The following ZNF221 variants were observed in gnomAD, a reference collection of about 807,000 sequenced individuals.
ZNF221 encodes the protein zinc finger protein 221.
A neutral mutation model predicts 12.6 loss-of-function variants in ZNF221; 10 were observed. That is an observed-to-expected ratio of 0.79 (90% CI 0.49 to 1.34). The LOEUF (loss-of-function observed/expected upper bound fraction) is 1.34, where lower values mean the gene tolerates loss of function less well. Ranked by LOEUF, ZNF221 falls within the 40% of genes most tolerant of loss-of-function variation. The pLI is 0.00. For missense variants in ZNF221, 661 were observed against 721.4 expected (o/e 0.92, Z 0.96); for synonymous variants, 232 against 244.0 (o/e 0.95, Z 0.46).
intron 1 of ZNF221, among the ~76,000 whole-genome samples, chr19:43,959,152 C>T (rs1332137276): frequency 1.3e-5 from 2 of 152,210 alleles, no homozygotes; most frequent in Non-Finnish European, 2.9e-5. Context: ...GATGCTGCTA[C>T]TTAGTTTCTC....
At chr19:43,971,284 T>C (rs1599824847), downstream of ZNF221, among the ~76,000 whole-genome samples, 1 of 152,046 alleles carries the variant, frequency 6.6e-6, no homozygotes, top group African/African-American at 2.4e-5. Flanking sequence ...AAAAAACCAT[T>C]ACCAGCCACT....
intron 1 of ZNF221, among the ~76,000 whole-genome samples, chr19:43,958,106 T>C (rs1409311724): frequency 6.6e-6 from 1 of 152,252 alleles, no homozygotes; most frequent in Non-Finnish European, 1.5e-5. Flanking sequence ...TCAGGCCATG[T>C]ATAAACAATT....
At chr19:43,964,385 G>T (rs545318875) in intron 2 of ZNF221, among the ~76,000 whole-genome samples, 1 of 152,180 alleles carries the variant, frequency 6.6e-6, no homozygotes, top group African/African-American at 2.4e-5. Flanking sequence ...AGGCATGATG[G>T]TTCCATATCA....
chr19:43,963,306 T>G (rs1236295305), intron 2 of ZNF221, among the ~76,000 whole-genome samples: 1 of 152,212 alleles, frequency 6.6e-6, no homozygotes, highest in Non-Finnish European at 1.5e-5. Context: ...GTGACAGCTT[T>G]CCTATATATA....
Position 43,967,269 on chromosome 19 carries a change from A to C in ZNF221, c.1767A>C (p.Pro589=), listed in dbSNP as rs1476228003. 3.7e-6 allele frequency: 6 copies of C among 1,613,620 alleles called. No individual in the cohort carries two copies. The highest frequency in any genetic ancestry group is 3.3e-5 in the Admixed American group (2 of 59,970). The change falls in exon 5 of 5, where the codon CCA becomes CCC. Residue 589 remains proline (P), a synonymous_variant. Transcript: ENST00000587682. ...AGAGACTCCACAGTGGAGAAAAGCC[A>C]TTGAAATCTGGAGTGTGGGAAGAGA... The part of the protein sequence containing the change: ...KHQRLHSGEK[P]LKSGVWEEIY...
intron 2 of ZNF221, among the ~76,000 whole-genome samples, chr19:43,963,407 A>C (rs1054022845): frequency 6.6e-6 from 1 of 152,248 alleles, no homozygotes; most frequent in East Asian, 1.9e-4. Flanking sequence ...AGATTATTTC[A>C]ACAGGGCACA....
At chr19:43,953,199 C>T (rs1272198201) in intron 1 of ZNF221, among the ~76,000 whole-genome samples, 1 of 151,870 alleles carries the variant, frequency 6.6e-6, no homozygotes, top group Non-Finnish European at 1.5e-5. Context: ...GATCTGCCCA[C>T]CTCAGCCTCC....
the ZNF221 span, among the ~76,000 whole-genome samples, chr19:43,973,624 C>T: frequency 0.78 from 117,808 of 151,962 alleles, 46,729 homozygotes; most frequent in Middle Eastern, 0.89. Flanking sequence ...AGCAGAGAGC[C>T]GAATCATGAA....
chr19:43,962,150 T>C (rs393403), intron 1 of ZNF221, among the ~76,000 whole-genome samples: 148,099 of 152,210 alleles, frequency 0.97, 72,178 homozygotes, highest in East Asian at 1. Context: ...GTAGATTAAC[T>C]GTTATTATTT....
At chr19:43,974,697 C>T in the ZNF221 span, among the ~76,000 whole-genome samples, 2 of 146,384 alleles carry the variant, frequency 1.4e-5, no homozygotes, top group Non-Finnish European at 3.0e-5. Context: ...TACTGTCTCA[C>T]ATCAGTCACA....
At chr19:43,958,333 A>C (rs1974790593) in intron 1 of ZNF221, among the ~76,000 whole-genome samples, 1 of 152,208 alleles carries the variant, frequency 6.6e-6, no homozygotes, top group Non-Finnish European at 1.5e-5. Context: ...CTGGGTAAGA[A>C]GCATATTCAG....
At position 43,966,722 on chromosome 19, in the gene ZNF221, C is replaced by T. The variant is rs1420805895; in HGVS notation, c.1220C>T (p.Ser407Leu). The change falls in exon 5 of 5, where the codon TCA (serine) becomes TTA (leucine). Residue 407 changes from serine (S) to leucine (L), a missense_variant. Ser to Leu is a moderately radical substitution (Grantham distance 145). Transcript: ENST00000587682. ...KECGKTFRWS[S>L]CLLNHQQVHS... is the part of the protein sequence containing the mutation. ...TGTGGGAAGACCTTCAGATGGTCCT[C>T]ATGTCTTTTGAACCATCAGCAAGTC... The T allele has an allele frequency of 6.2e-7, 1 of 1,614,118 alleles. No homozygotes were observed. Among genetic ancestry groups the T allele is most frequent in the Non-Finnish European group, 8.5e-7 (1 of 1,180,054 alleles).
At chr19:43,957,113 A>G (rs544308193) in intron 1 of ZNF221, among the ~76,000 whole-genome samples, 7 of 152,348 alleles carry the variant, frequency 4.6e-5, no homozygotes, top group Admixed American at 2.6e-4. Flanking sequence ...AGTAGGTTAC[A>G]GTCTGTTTAT....
chr19:43,969,416 T>C (rs1975050133), downstream of ZNF221, among the ~76,000 whole-genome samples: 1 of 145,026 alleles, frequency 6.9e-6, no homozygotes. Flanking sequence ...TGGCATGCTC[T>C]TGGTTCATGG....
chr19:43,958,711 G>A (rs767056148), intron 1 of ZNF221, among the ~76,000 whole-genome samples: 1 of 152,234 alleles, frequency 6.6e-6, no homozygotes, highest in Non-Finnish European at 1.5e-5. Context: ...CAGGATGTCA[G>A]CATTTTCTAT....
chr19:43,965,424 T>G, intron 4 of ZNF221, 99 bp downstream of exon 4: 1 of 1,099,170 alleles, frequency 9.1e-7, no homozygotes, highest in Non-Finnish European at 1.3e-6. Flanking sequence ...ATTGCCAAAC[T>G]TCTTTCATAA....
chr19:43,980,696 G>C, the ZNF221 span, among the ~76,000 whole-genome samples: 1 of 152,226 alleles, frequency 6.6e-6, no homozygotes, highest in South Asian at 2.1e-4. Context: ...ATCCCTTCTG[G>C]GTGTAGGGCA....
At chr19:43,969,338 T>G (rs1241023781), downstream of ZNF221, among the ~76,000 whole-genome samples, 5 of 3,466 alleles carry the variant, frequency 1.4e-3, no homozygotes, top group African/African-American at 1.7e-3. Context: ...CTGCTGCTTT[T>G]TTTTTTTTTT....
chr19:43,964,779 G>A (rs61254478), intron 2 of ZNF221, among the ~76,000 whole-genome samples, 171 bp from the exon 3 acceptor site: 4,094 of 152,266 alleles, frequency 0.027, 125 homozygotes, highest in African/African-American at 0.078. Flanking sequence ...GAAAATCTGC[G>A]TGTGTCATTG....
Sources: gnomAD v4.1 joint callset for allele counts (sites outside exome capture counted in the v4.1 genomes callset) on GRCh38, gnomAD v4.1.1 for gene constraint, MANE v1.5 for transcripts, NCBI Gene and HGNC (gene_info 2026-07-23, HGNC 2026-07-21) for gene names.